Variants in NDUFAF6 observed in about 807,000 individuals in gnomAD.
NDUFAF6 encodes the protein NADH dehydrogenase (ubiquinone) complex I, assembly factor 6.
In NDUFAF6, 45 loss-of-function variants were observed where a neutral mutation model predicts 40.8. The ratio of observed to expected loss-of-function variants is 1.10; its 90% CI spans 0.87 to 1.42. The LOEUF (loss-of-function observed/expected upper bound fraction) is 1.42. Among genes scored for constraint, NDUFAF6 ranks in the 40% most tolerant of loss-of-function variants. The pLI is 0.00. For missense variants in NDUFAF6, 435 were observed against 418.5 expected (o/e 1.04, Z -0.34); for synonymous variants, 185 against 155.9 (o/e 1.19, Z -1.39).
chr8:95,023,095 TTAAC>T (rs1563794230), upstream of NDUFAF6: 1 of 152,266 alleles, frequency 6.6e-6, no homozygotes, highest in East Asian at 1.9e-4. Flanking sequence ...AGAAGCTTAA[TTAAC>T]TTTATGTTAA....
At chr8:95,079,400 G>A (rs1808745411), downstream of NDUFAF6, among the ~76,000 whole-genome samples, 1 of 152,158 alleles carries the variant, frequency 6.6e-6, no homozygotes, top group African/African-American at 2.4e-5. Context: ...CTTTGTAAAT[G>A]CCCAAGAATA....
chr8:94,956,890 G>T (rs530531623), upstream of NDUFAF6, among the ~76,000 whole-genome samples: 7 of 152,276 alleles, frequency 4.6e-5, no homozygotes, highest in South Asian at 1.5e-3. Context: ...GGGAATGGGG[G>T]CCAGGCGCAG....
chr8:94,929,196 G>A (rs1820158404), intron 1 of NDUFAF6: 1 of 152,502 alleles, frequency 6.6e-6, no homozygotes, highest in Non-Finnish European at 1.5e-5. Flanking sequence ...ACCAGATTCA[G>A]TAGAAAGGCC....
downstream of NDUFAF6, among the ~76,000 whole-genome samples, chr8:95,080,197 G>T (rs191556982): frequency 1.0e-4 from 15 of 149,090 alleles, no homozygotes; most frequent in African/African-American, 3.7e-4. Context: ...TTTTTGTAGT[G>T]ATTTTTTGTA....
intron 2 of NDUFAF6, among the ~76,000 whole-genome samples, chr8:95,087,315 A>G (rs994705143): frequency 6.6e-6 from 1 of 152,126 alleles, no homozygotes. Context: ...GGCATCCCCA[A>G]AGATTTTTTT....
chr8:95,013,203 T>TC lies in NDUFAF6; in HGVS notation c.-83-18785dup, dbSNP rs941455091. On this transcript the variant is annotated intron_variant, in intron 2 of 9. Coordinates refer to the NDUFAF6 transcript ENST00000396111. ...TGCAGCCTCAAACTCCTGGGCTCAA[T>TC]CCCCCCCATTTCAGCCTCTTGAGTA... Among the ~76,000 whole-genome samples the TC allele has an allele frequency of 9.8e-4, 149 of 151,928 alleles. 1 individual carries two copies. The Middle Eastern group carries it at 0.017, about 17-fold the overall frequency.
chr8:95,036,214 C>T (rs2131812884), intron 3 of NDUFAF6: 2 of 1,078,176 alleles, frequency 1.9e-6, no homozygotes, highest in Non-Finnish European at 2.4e-6. Flanking sequence ...TAAGCAGCCA[C>T]ACATGGCTTA....
chr8:94,971,412 C>T (rs1360361458), intron 1 of NDUFAF6, among the ~76,000 whole-genome samples: 1 of 152,176 alleles, frequency 6.6e-6, no homozygotes, highest in Non-Finnish European at 1.5e-5. Context: ...AGTGCCTCTG[C>T]CCAGCCTCTG....
At chr8:95,002,750 A>G (rs984133379) in intron 2 of NDUFAF6, among the ~76,000 whole-genome samples, 44 of 152,220 alleles carry the variant, frequency 2.9e-4, no homozygotes, top group African/African-American at 8.0e-4. Flanking sequence ...AGTAGGGAAT[A>G]CAACACATGT....
downstream of NDUFAF6, among the ~76,000 whole-genome samples, chr8:95,105,642 C>T (rs142238541): frequency 5.9e-5 from 9 of 152,238 alleles, 1 homozygote; most frequent in South Asian, 1.2e-3. Context: ...CCTGGGATTA[C>T]AGACATGCGC....
At chr8:95,029,372 AT>A (rs11295161) in intron 1 of NDUFAF6, among the ~76,000 whole-genome samples, 144,800 of 152,262 alleles carry the variant, frequency 0.95, 68,880 homozygotes, top group East Asian at 1. Flanking sequence ...AGATTCCCTC[AT>A]TTTTTAACAC....
chr8:94,933,924 A>T (rs1341689933), intron 1 of NDUFAF6, among the ~76,000 whole-genome samples: 2 of 148,696 alleles, frequency 1.3e-5, no homozygotes, highest in African/African-American at 4.9e-5. Flanking sequence ...TGCAAAAATT[A>T]GCTGGGCGTA....
intron 1 of NDUFAF6, among the ~76,000 whole-genome samples, chr8:94,899,497 C>T (rs1037875557): frequency 6.6e-6 from 1 of 152,086 alleles, no homozygotes; most frequent in Non-Finnish European, 1.5e-5. Context: ...ACTATTAACT[C>T]CTTCAATCTT....
chr8:95,103,406 C>G (rs772908859), exon 3 of NDUFAF6: 6 of 152,118 alleles, frequency 3.9e-5, no homozygotes, highest in Non-Finnish European at 8.8e-5. Flanking sequence ...AATAATAATG[C>G]CTGTTTGAGT....
At chr8:94,975,918 A>G (rs2131553851) in intron 1 of NDUFAF6, 1 of 152,378 alleles carries the variant, frequency 6.6e-6, no homozygotes, top group African/African-American at 2.4e-5. Context: ...GCTTAAAAAT[A>G]CTGATGTTTG....
At chr8:95,055,385 T>C (rs1263614254) in intron 8 of NDUFAF6, 1 of 152,198 alleles carries the variant, frequency 6.6e-6, no homozygotes, top group Non-Finnish European at 1.5e-5. Flanking sequence ...TTTTTGGAAA[T>C]GAATTTTTAT....
chr8:94,940,289 T>C (rs1457787420), intron 1 of NDUFAF6: 3 of 1,508,420 alleles, frequency 2.0e-6, no homozygotes, highest in African/African-American at 2.8e-5. Context: ...GATTATCACA[T>C]TGGGCAGTCA....
rs576924200 is a variant in NDUFAF6 at position 95,016,489 on chromosome 8, A to T, written c.-83-15506A>T. Among the ~76,000 whole-genome samples the T allele has an allele frequency of 3.9e-5, 6 of 152,350 alleles. No homozygotes were observed. In the East Asian group the frequency reaches 1.2e-3, roughly 29 times the overall value. ...GCCGAGCGTGGTGGCTCACGCCTGTAATCCCAGCACTTTGGGAGGCTGAGG... is the reference window on the plus strand; with the variant it reads ...GCCGAGCGTGGTGGCTCACGCCTGTTATCCCAGCACTTTGGGAGGCTGAGG... On this transcript the variant is annotated intron_variant, in intron 2 of 9. Transcript: ENST00000396111.
intron 1 of NDUFAF6, among the ~76,000 whole-genome samples, chr8:94,909,811 T>TAC (rs1255780814): frequency 7.0e-6 from 1 of 142,084 alleles, no homozygotes; most frequent in African/African-American, 2.8e-5. Context: ...CATATATATA[T>TAC]ATACACACAC....
Sources: allele counts gnomAD v4.1 joint callset (sites outside exome capture counted in the v4.1 genomes callset), GRCh38; gene constraint gnomAD v4.1.1; transcripts MANE v1.5; gene names NCBI Gene and HGNC (gene_info 2026-07-23, HGNC 2026-07-21).